CFTR: variants seen among roughly 807,000 people sequenced by gnomAD.
CFTR encodes the protein cystic fibrosis transmembrane conductance regulator.
A neutral mutation model predicts 171.6 loss-of-function variants in CFTR; 181 were observed. The observed-to-expected ratio is 1.05, with a 90% confidence interval of 0.93 to 1.19. CFTR has a LOEUF of 1.19. Among genes scored for constraint, CFTR ranks in the 50% most tolerant of loss-of-function variants. The pLI is 0.00. For missense variants in CFTR, 1,968 were observed against 1,734.7 expected, an observed-to-expected ratio of 1.13 and a Z score of -2.39; for synonymous variants, 583 against 608.0, an observed-to-expected ratio of 0.96 and a Z score of 0.60.
chr7:117,641,379 T>C (rs1444172060), intron 22 of CFTR, among the ~76,000 whole-genome samples: 4 of 152,204 alleles, frequency 2.6e-5, no homozygotes, highest in Non-Finnish European at 1.5e-5. Context: ...TTATTATATA[T>C]TTTTGAAGTA....
intron 22 of CFTR, among the ~76,000 whole-genome samples, chr7:117,640,925 T>C (rs1259911263): frequency 6.6e-6 from 1 of 152,144 alleles, no homozygotes; most frequent in Non-Finnish European, 1.5e-5. Context: ...GTAAGCCAGG[T>C]GCTAAGAATT....
intron 10 of CFTR, among the ~76,000 whole-genome samples, chr7:117,558,558 T>TAAATAAAC: frequency 6.7e-6 from 1 of 148,954 alleles, no homozygotes; most frequent in African/African-American, 2.5e-5. Flanking sequence ...TGTCTCTAAA[T>TAAATAAAC]AAATAAATAA....
At position 117,592,573 on chromosome 7, in the gene CFTR, G is replaced by C. The variant is rs1314080734; in HGVS notation, c.2406G>C (p.Leu802Phe). 6.6e-7 allele frequency: 1 copy of C among 1,524,472 alleles called. No homozygotes were observed. The highest frequency in any genetic ancestry group is 2.3e-5 in the Admixed American group (1 of 44,442). The allele number at this position is 1,524,472 out of a possible 1,614,324, so 94.4% of individuals were successfully genotyped here. ...TGTCACTGGCCCCTCAGGCAAACTT[G>C]ACTGAACTGGATATATATTCAAGAA... is the stretch of plus-strand genomic sequence containing the variant. ...RKVSLAPQAN[L>F]TELDIYSRRL... Residue 802 changes from leucine (L) to phenylalanine (F), a missense_variant, in exon 14 of 27, where the codon TTG (leucine) becomes TTC (phenylalanine). By Grantham distance (22) the Leu-to-Phe change is conservative. Transcript: ENST00000003084.
intron 5 of CFTR, 137 bp downstream of exon 5, chr7:117,534,502 T>C: frequency 4.5e-6 from 3 of 667,982 alleles, no homozygotes; most frequent in Non-Finnish European, 8.1e-6. Context: ...TTCTGGAAAC[T>C]AAGAAAGGTC....
chr7:117,631,128 G>A lies in CFTR; in HGVS notation c.3717+3358G>A, dbSNP rs35521194. On this transcript the variant is annotated intron_variant, in intron 22 of 26. Coordinates refer to ENST00000003084, the MANE Select transcript of CFTR (RefSeq NM_000492.4). Reference sequence around the variant, plus strand: ...GCTAGGATTACAGGCATGAGGCACTGTGCCCAACCTCCAATTTTGGATTTT... The same window carrying A: ...GCTAGGATTACAGGCATGAGGCACTATGCCCAACCTCCAATTTTGGATTTT... Among the ~76,000 whole-genome samples, 287 of 152,196 alleles carry A rather than the reference G, an allele frequency of 1.9e-3. 1 individual carries two copies. Among genetic ancestry groups the A allele is most frequent in the Admixed American group, 4.4e-3 (67 of 15,300 alleles).
chr7:117,484,852 C>A (rs1273967242), intron 1 of CFTR, among the ~76,000 whole-genome samples: 1 of 151,764 alleles, frequency 6.6e-6, no homozygotes, highest in Non-Finnish European at 1.5e-5. Flanking sequence ...TCACTTGATT[C>A]AAGTAATATT....
At chr7:117,505,783 G>A (rs1256283050) in intron 2 of CFTR, among the ~76,000 whole-genome samples, 1 of 152,198 alleles carries the variant, frequency 6.6e-6, no homozygotes, top group Non-Finnish European at 1.5e-5. Flanking sequence ...ACATTGAGTT[G>A]ACTTGCAATT....
At chr7:117,659,791 T>G (rs913975537) in intron 24 of CFTR, among the ~76,000 whole-genome samples, 2 of 152,232 alleles carry the variant, frequency 1.3e-5, no homozygotes, top group African/African-American at 4.8e-5. Context: ...AATAGTGGCC[T>G]TTTAAGTTGA....
intron 23 of CFTR, among the ~76,000 whole-genome samples, chr7:117,652,001 CA>C (rs1793096357): frequency 6.6e-6 from 1 of 152,078 alleles, no homozygotes; most frequent in Non-Finnish European, 1.5e-5. Context: ...ATGTTAATAT[CA>C]AAAATATTAT....
chr7:117,507,324 A>T (rs956096358), intron 2 of CFTR, among the ~76,000 whole-genome samples: 1 of 152,068 alleles, frequency 6.6e-6, no homozygotes, highest in Non-Finnish European at 1.5e-5. Context: ...TGGTCTCTCT[A>T]CTTCACTTTC....
intron 1 of CFTR, among the ~76,000 whole-genome samples, chr7:117,501,151 T>C (rs904893578): frequency 3.3e-5 from 5 of 152,224 alleles, no homozygotes; most frequent in Admixed American, 3.3e-4. Flanking sequence ...TATAGTGTCA[T>C]ATTTTAATAA....
intron 11 of CFTR, among the ~76,000 whole-genome samples, chr7:117,577,055 G>A (rs1424781590): frequency 6.6e-6 from 1 of 152,142 alleles, no homozygotes; most frequent in Non-Finnish European, 1.5e-5. Flanking sequence ...TGTCAGAGAA[G>A]TCATTGGAGA....
At chr7:117,581,490 C>T (rs1791734543) in intron 11 of CFTR, among the ~76,000 whole-genome samples, 1 of 152,032 alleles carries the variant, frequency 6.6e-6, no homozygotes, top group East Asian at 1.9e-4. Context: ...TGATAAATAT[C>T]TCATTACAAA....
chr7:117,494,505 A>G (rs1037690527), intron 1 of CFTR, among the ~76,000 whole-genome samples: 1 of 152,094 alleles, frequency 6.6e-6, no homozygotes, highest in African/African-American at 2.4e-5. Flanking sequence ...ATCTTTCAAT[A>G]AACACTTTAG....
At chr7:117,556,589 G>A (rs1037834652) in intron 10 of CFTR, among the ~76,000 whole-genome samples, 2 of 134,866 alleles carry the variant, frequency 1.5e-5, no homozygotes, top group Admixed American at 7.8e-5. Context: ...GCGGGATCTC[G>A]GCTCACTGCA....
chr7:117,642,913 T>C (rs1412622893), intron 23 of CFTR, among the ~76,000 whole-genome samples: 1 of 152,152 alleles, frequency 6.6e-6, no homozygotes, highest in Non-Finnish European at 1.5e-5. Flanking sequence ...AAGTTAGCAA[T>C]CGCCAGGTTG....
At chr7:117,517,543 A>G (rs1798613922) in intron 3 of CFTR, among the ~76,000 whole-genome samples, 2 of 152,174 alleles carry the variant, frequency 1.3e-5, no homozygotes, top group Admixed American at 1.3e-4. Context: ...TTCTAGTCAA[A>G]TAAGTTATAA....
intron 1 of CFTR, among the ~76,000 whole-genome samples, chr7:117,503,891 T>A (rs566077244): frequency 6.6e-6 from 1 of 152,344 alleles, no homozygotes; most frequent in East Asian, 1.9e-4. Context: ...TGGAAGAGGC[T>A]GGACTTCAGT....
chr7:117,593,700 A>C (rs1356576272), intron 14 of CFTR, among the ~76,000 whole-genome samples: 1 of 152,090 alleles, frequency 6.6e-6, no homozygotes, highest in East Asian at 1.9e-4. Flanking sequence ...GGTTCAAGCT[A>C]ATCTCCTGCC....
Sources: gnomAD v4.1 joint callset for allele counts (sites outside exome capture counted in the v4.1 genomes callset) on GRCh38, gnomAD v4.1.1 for gene constraint, MANE v1.5 for transcripts, NCBI Gene and HGNC (gene_info 2026-07-23, HGNC 2026-07-21) for gene names.